TANC1: variants seen among roughly 807,000 people sequenced by gnomAD.
The protein encoded by TANC1 is tetratricopeptide repeat, ankyrin repeat and coiled-coil containing 1, also known as protein TANC1.
A neutral mutation model predicts 149.7 loss-of-function variants in TANC1; 77 were observed. That is an observed-to-expected ratio of 0.51 (90% CI 0.43 to 0.62). The LOEUF (loss-of-function observed/expected upper bound fraction) is 0.62, where lower values mean the gene tolerates loss of function less well. TANC1 is among the 20% of genes least tolerant of loss of function. The probability of loss-of-function intolerance (pLI) is 0.00; values close to 1 mark genes in which losing one functional copy is unlikely to be tolerated. For synonymous variants in TANC1, 854 were observed against 925.0 expected (o/e 0.92, Z 1.39); for missense variants, 1,985 against 2,321.8 (o/e 0.85, Z 2.98).
intron 1 of TANC1, among the ~76,000 whole-genome samples, chr2:158,975,693 C>T (rs1011473746): frequency 1.3e-5 from 2 of 151,944 alleles, no homozygotes; most frequent in Admixed American, 6.6e-5. Context: ...ACCTCAGTTT[C>T]CCAAAGTGCT....
At chr2:159,210,867 G>A (rs1478622352) in intron 19 of TANC1, among the ~76,000 whole-genome samples, 1 of 149,658 alleles carries the variant, frequency 6.7e-6, no homozygotes, top group African/African-American at 2.5e-5. Flanking sequence ...CACCATGCCT[G>A]ATCTTTTAAT....
At chr2:159,226,427 A>G (rs1253600808) in intron 24 of TANC1, 2 of 152,440 alleles carry the variant, frequency 1.3e-5, no homozygotes, top group African/African-American at 4.8e-5. Context: ...TCAGAACACC[A>G]TGCTGAGGCA....
At chr2:159,206,550 C>T (rs968562763) in intron 19 of TANC1, among the ~76,000 whole-genome samples, 1 of 152,240 alleles carries the variant, frequency 6.6e-6, no homozygotes, top group Non-Finnish European at 1.5e-5. Flanking sequence ...CTTCATCAAG[C>T]TGTTCTTGCT....
intron 3 of TANC1, among the ~76,000 whole-genome samples, chr2:159,094,665 G>A (rs2045897459): frequency 6.6e-6 from 1 of 152,024 alleles, no homozygotes; most frequent in Non-Finnish European, 1.5e-5. Context: ...AAAGATTCCA[G>A]ACTCATGCAC....
intron 2 of TANC1, among the ~76,000 whole-genome samples, chr2:159,053,003 C>A (rs2041580762): frequency 6.6e-6 from 1 of 152,194 alleles, no homozygotes; most frequent in South Asian, 2.1e-4. Flanking sequence ...CAAAAACACT[C>A]TGAGGGTACA....
At chr2:159,166,470 G>GGTGTGT (rs59852289) in intron 8 of TANC1, among the ~76,000 whole-genome samples, 1 of 150,768 alleles carries the variant, frequency 6.6e-6, no homozygotes, top group African/African-American at 2.4e-5. Flanking sequence ...TGTTAGATAT[G>GGTGTGT]GTGTGTGTGT....
rs1397260206 is a variant in TANC1, at chr2:159,192,972, A to G, written c.2743-1285A>G. On this transcript the variant is annotated intron_variant, in intron 16 of 26. Transcript: ENST00000263635. Reference sequence around the variant, plus strand: ...GCTATTTGTTTAGTTTTTATTTTTAATTATGGTTAAGAAACACATAAAAGG... The same window carrying G: ...GCTATTTGTTTAGTTTTTATTTTTAGTTATGGTTAAGAAACACATAAAAGG... 2.0e-5 allele frequency among the ~76,000 whole-genome samples: 3 copies of G among 152,226 alleles called. No individual in the cohort carries two copies. The East Asian group carries it at 5.8e-4, about 29-fold the overall frequency.
intron 13 of TANC1, among the ~76,000 whole-genome samples, chr2:159,176,815 G>T (rs2055904666): frequency 2.0e-5 from 3 of 151,878 alleles, no homozygotes; most frequent in Non-Finnish European, 4.4e-5. Context: ...CAAGAGGCCT[G>T]CCAGAGTTTA....
chr2:159,088,385 C>T (rs2045170742), intron 3 of TANC1, among the ~76,000 whole-genome samples: 1 of 152,128 alleles, frequency 6.6e-6, no homozygotes, highest in South Asian at 2.1e-4. Context: ...AATTTTAGCT[C>T]CTTCCCTCTG....
At chr2:159,218,207 C>T (rs1182240550) in intron 20 of TANC1, among the ~76,000 whole-genome samples, 1 of 152,216 alleles carries the variant, frequency 6.6e-6, no homozygotes. Context: ...CCAAGTTACA[C>T]ATACACTATG....
At chr2:159,126,811 G>A (rs774441335) in intron 4 of TANC1, among the ~76,000 whole-genome samples, 26 of 152,216 alleles carry the variant, frequency 1.7e-4, no homozygotes, top group Non-Finnish European at 2.6e-4. Flanking sequence ...CATCTTAACC[G>A]AGAGCATCGA....
At chr2:159,159,705 TGTGTGTGTGTGTGAGAGAGAGAGAGA>T (rs1268533583) in intron 7 of TANC1, among the ~76,000 whole-genome samples, 2 of 62,956 alleles carry the variant, frequency 3.2e-5, no homozygotes, top group Non-Finnish European at 7.1e-5. Flanking sequence ...TGTGTGTGTG[TGTGTGTGTGTGTGAGAGAGAGAGAGA>T]GAGAGAGAGA....
chr2:159,030,298 T>C (rs778951572), intron 2 of TANC1, among the ~76,000 whole-genome samples: 1 of 152,236 alleles, frequency 6.6e-6, no homozygotes, highest in Non-Finnish European at 1.5e-5. Context: ...TAGAAATTAC[T>C]AGGTATTACA....
chr2:159,047,929 A>AT (rs2041196592), intron 2 of TANC1, among the ~76,000 whole-genome samples: 1 of 152,236 alleles, frequency 6.6e-6, no homozygotes, highest in South Asian at 2.1e-4. Context: ...AATACAACAC[A>AT]TTAGTGACCA....
chr2:159,035,240 C>A (rs562812949), intron 2 of TANC1, among the ~76,000 whole-genome samples: 1 of 152,144 alleles, frequency 6.6e-6, no homozygotes, highest in Non-Finnish European at 1.5e-5. Flanking sequence ...GAAATTAGAT[C>A]TGAAAAGAAA....
intron 19 of TANC1, among the ~76,000 whole-genome samples, chr2:159,203,794 C>G (rs2058418780): frequency 6.6e-6 from 1 of 151,802 alleles, no homozygotes; most frequent in Admixed American, 6.6e-5. Context: ...CTAGGCTGGT[C>G]TCAAACCCCT....
chr2:159,226,901 A>G (rs1296234685), intron 24 of TANC1: 1 of 152,194 alleles, frequency 6.6e-6, no homozygotes, highest in Non-Finnish European at 1.5e-5. Flanking sequence ...TATCCAAGCT[A>G]TAGTTTGCCA....
intron 7 of TANC1, among the ~76,000 whole-genome samples, chr2:159,154,512 G>A (rs2053209675): frequency 6.6e-6 from 1 of 152,072 alleles, no homozygotes; most frequent in South Asian, 2.1e-4. Context: ...GAATTTACTG[G>A]GCCCCTCCAG....
intron 7 of TANC1, among the ~76,000 whole-genome samples, chr2:159,161,854 A>G (rs1196113744): frequency 6.6e-6 from 1 of 152,246 alleles, no homozygotes; most frequent in Non-Finnish European, 1.5e-5. Context: ...GTCTCTGACC[A>G]CAAATGGAAT....
Sources: allele counts gnomAD v4.1 joint callset (sites outside exome capture counted in the v4.1 genomes callset), GRCh38; gene constraint gnomAD v4.1.1; transcripts MANE v1.5; gene names NCBI Gene and HGNC (gene_info 2026-07-23, HGNC 2026-07-21).